ADCK2: variants seen among roughly 807,000 people sequenced by gnomAD.
ADCK2 encodes the protein aarF domain containing kinase 2.
Under a neutral mutation model 52.3 loss-of-function variants are expected in ADCK2, and 37 were observed. The ratio of observed to expected loss-of-function variants is 0.71; its 90% CI spans 0.54 to 0.93. ADCK2 has a LOEUF of 0.93. Among genes scored for constraint, ADCK2 ranks in the 40% least tolerant of loss-of-function variants. The pLI is 0.00. For synonymous variants in ADCK2, 321 were observed against 349.2 expected, an observed-to-expected ratio of 0.92 and a Z score of 0.90; for missense variants, 695 against 798.7, an observed-to-expected ratio of 0.87 and a Z score of 1.56.
In ADCK2 at chr7:140,693,286, G is replaced by T. The variant is rs537864649; in HGVS notation, c.1741-1377G>T. 2.0e-5 allele frequency among the ~76,000 whole-genome samples: 3 copies of T among 152,174 alleles called. No homozygotes were observed. The highest frequency in any genetic ancestry group is 2.9e-5 in the Non-Finnish European group (2 of 68,036). ...GTGTTAGAGCCCTGGGTTCCCACCC[G>T]GACCAGAGCCTGTGTGGCCAATCTG... On this transcript the variant is annotated intron_variant, in intron 7 of 7. Coordinates refer to ENST00000072869, the MANE Select transcript of ADCK2 (RefSeq NM_052853.4). This position sits in a 1 kb window ranked among gnomAD's most constrained non-coding sequence, Gnocchi z 4.0.
rs1794613788 is a variant in ADCK2 at position 140,686,979 on chromosome 7, T to A, written c.1306-11T>A. The A allele has an allele frequency of 1.2e-6, 2 of 1,609,920 alleles. No individual in the cohort carries two copies. The highest frequency in any genetic ancestry group is 1.7e-6 in the Non-Finnish European group (2 of 1,176,510). On this transcript the variant is annotated splice_polypyrimidine_tract_variant and intron_variant, in intron 4 of 7. Transcript: ENST00000072869. ...GGCGACTCACTCATGAGCATTGTGA[T>A]CTCCTTCCAGATATTTGTGGATAAC...
intron 4 of ADCK2, among the ~76,000 whole-genome samples, chr7:140,682,069 T>C (rs1391766399): frequency 6.6e-6 from 1 of 152,220 alleles, no homozygotes; most frequent in Non-Finnish European, 1.5e-5. Flanking sequence ...GTTCAGCAAA[T>C]GTTTATTGAG....
At chr7:140,687,378 A>C in intron 5 of ADCK2, 137 bp downstream of exon 5, 1 of 1,220,134 alleles carries the variant, frequency 8.2e-7, no homozygotes, top group Non-Finnish European at 1.1e-6. Flanking sequence ...CCAGGAGTTC[A>C]AGGCCAGCCT....
At chr7:140,683,767 CT>C (rs900999384) in intron 4 of ADCK2, among the ~76,000 whole-genome samples, 2 of 152,132 alleles carry the variant, frequency 1.3e-5, no homozygotes, top group Non-Finnish European at 1.5e-5. Flanking sequence ...GTTGGGGGTG[CT>C]ACTGGCAGCT....
At position 140,694,764 on chromosome 7, in the gene ADCK2, G is replaced by A. The variant is rs186742053; in HGVS notation, c.1842G>A (p.Ala614=). The A allele has an allele frequency of 2.0e-5, 32 of 1,613,982 alleles. No individual in the cohort carries two copies. The highest frequency in any genetic ancestry group is 1.8e-4 in the East Asian group (8 of 44,870). The stretch of plus-strand genomic sequence containing the variant: ...CCAAACTGGACATCCTGGAGGCAGC[G>A]AGGCCCTTCCTCCTCACGGGCCCAG... The part of the protein sequence containing the change: ...LDPKLDILEA[A]RPFLLTGPVC... Residue 614 remains alanine (A), a synonymous_variant, in exon 8 of 8, where the codon GCG becomes GCA. Transcript: ENST00000072869.
At chr7:140,679,032 C>A in intron 2 of ADCK2, 123 bp from the exon 3 acceptor site, 1 of 1,318,952 alleles carries the variant, frequency 7.6e-7, no homozygotes, top group Non-Finnish European at 1.1e-6. Context: ...TGGGCAAGTT[C>A]TGCGGGGCAA....
chr7:140,690,485 G>T (rs1439445851), intron 6 of ADCK2, among the ~76,000 whole-genome samples: 3 of 149,862 alleles, frequency 2.0e-5, no homozygotes, highest in East Asian at 4.0e-4. Flanking sequence ...TTATAGGCAG[G>T]TGTGATTTTT....
rs1794624928 is a variant in ADCK2 at position 140,687,457 on chromosome 7, G to A, written c.1557+216G>A. Among the ~76,000 whole-genome samples, 4 of 152,234 alleles carry A rather than the reference G, an allele frequency of 2.6e-5. No individual in the cohort carries two copies. The South Asian group carries it at 8.3e-4, about 32-fold the overall frequency. On this transcript the variant is annotated intron_variant, in intron 5 of 7. Coordinates refer to ENST00000072869, the MANE Select transcript of ADCK2 (RefSeq NM_052853.4). ...AGGCCAGGCACAGTGGTTCACGCCT[G>A]TAATCTCAGCACTTTGGGAGGCCAA... is the stretch of plus-strand genomic sequence containing the variant.
intron 6 of ADCK2, 58 bp from the exon 7 acceptor site, chr7:140,690,702 A>G: frequency 1.3e-6 from 2 of 1,538,532 alleles, no homozygotes; most frequent in Non-Finnish European, 8.9e-7. Flanking sequence ...GGGTGGTGGG[A>G]AATGAGCGGT....
rs1317976691 is a variant in ADCK2, at chr7:140,673,500, T to C, written c.170T>C (p.Val57Ala). ...AAGGTCGTCTCCCTGTGCGGGGACGTGGGTGAGGGGGCCCCTGACGTTCTG... is the reference window on the plus strand; with the variant it reads ...AAGGTCGTCTCCCTGTGCGGGGACGCGGGTGAGGGGGCCCCTGACGTTCTG... ...LPKVVSLCGDVGEGAPDVLSR... is the reference protein window; with the variant it reads ...LPKVVSLCGDAGEGAPDVLSR... The change falls in exon 1 of 8, where the codon GTG becomes GCG. Residue 57 changes from valine (V) to alanine (A), a missense_variant. By Grantham distance (64) the Val-to-Ala change is moderately conservative (BLOSUM62 0). Transcript: ENST00000072869. This position sits in a 1 kb window ranked among gnomAD's most constrained non-coding sequence, Gnocchi z 6.4. 6.9e-6 allele frequency: 11 copies of C among 1,603,446 alleles called. No individual in the cohort carries two copies. Among genetic ancestry groups the C allele is most frequent in the Non-Finnish European group, 9.3e-6 (11 of 1,176,940 alleles).
At position 140,674,805 on chromosome 7, in the gene ADCK2, G is replaced by A; in HGVS notation, c.1080+48G>A. On this transcript the variant is annotated intron_variant, in intron 2 of 7. Transcript: ENST00000072869. The surrounding 1 kb of genome is among the most constrained non-coding windows in gnomAD (Gnocchi z 4.6). Reference sequence around the variant, plus strand: ...GTAAATAGCACCTAACATAGTTCTTGCCATTAGCTGCTACTTAGTAAATGT... The same window carrying A: ...GTAAATAGCACCTAACATAGTTCTTACCATTAGCTGCTACTTAGTAAATGT... 1 of 1,574,700 alleles carries A rather than the reference G, an allele frequency of 6.4e-7. No individual in the cohort carries two copies. The highest frequency in any genetic ancestry group is 1.8e-5 in the Admixed American group (1 of 56,406).
rs548544894 is a variant in ADCK2, at chr7:140,686,320, G to A, written c.1306-670G>A. The stretch of plus-strand genomic sequence containing the variant: ...CTTTGAGATGGAGTCTCGCTCCGTC[G>A]CCCAGACTGGAGTGCAGTGGCACGA... On this transcript the variant is annotated intron_variant, in intron 4 of 7. Transcript: ENST00000072869. 8.2e-4 allele frequency among the ~76,000 whole-genome samples: 124 copies of A among 152,128 alleles called. 1 individual carries two copies. The highest frequency in any genetic ancestry group is 2.9e-3 in the African/African-American group (121 of 41,480).
rs1421434098 is a variant in ADCK2, at chr7:140,673,160, G to A, written c.-171G>A. The A allele has an allele frequency of 7.3e-6, 3 of 410,094 alleles. No individual in the cohort carries two copies. The highest frequency in any genetic ancestry group is 4.2e-5 in the African/African-American group (2 of 47,986). The allele number at this position is 410,094 out of a possible 1,614,324, so 25.4% of individuals were successfully genotyped here. On this transcript the variant is annotated 5_prime_UTR_variant, in exon 1 of 8. Transcript: ENST00000072869. The surrounding 1 kb of genome is among the most constrained non-coding windows in gnomAD (Gnocchi z 6.4). ...GCGGCGGGTGTCGGGCGGGGCGCGG[G>A]CCTCCGGCCTGAGGCCCGGCGAGGT... is the stretch of plus-strand genomic sequence containing the variant.
At position 140,690,809 on chromosome 7, in the gene ADCK2, A is replaced by T. The variant is rs1458562939; in HGVS notation, c.1736A>T (p.His579Leu). ...AGTGTCTTTAAGTTGCTGATGACTCACAAGGTGAGGGCCATTCAGAGGGGA... is the reference window on the plus strand; with the variant it reads ...AGTGTCTTTAAGTTGCTGATGACTCTCAAGGTGAGGGCCATTCAGAGGGGA... Reference protein sequence around the residue: ...LSSVFKLLMTHKVKLESNFAS... With the variant: ...LSSVFKLLMTLKVKLESNFAS... The change falls in exon 7 of 8, where the codon CAC (histidine) becomes CTC (leucine). Residue 579 changes from histidine (H) to leucine (L), a missense_variant. Transcript: ENST00000072869. 1.2e-6 allele frequency: 2 copies of T among 1,613,650 alleles called. No homozygotes were observed. The highest frequency in any genetic ancestry group is 1.7e-6 in the Non-Finnish European group (2 of 1,179,924).
At chr7:140,689,299 A>G (rs2130790810) in intron 5 of ADCK2, among the ~76,000 whole-genome samples, 1 of 152,070 alleles carries the variant, frequency 6.6e-6, no homozygotes, top group Non-Finnish European at 1.5e-5. Context: ...TTTTTTAAAC[A>G]GCAAAATGCA....
chr7:140,673,701 C>G lies in ADCK2; in HGVS notation c.371C>G (p.Pro124Arg), dbSNP rs1460644514. The G allele has an allele frequency of 6.2e-7, 1 of 1,612,176 alleles. No homozygotes were observed. The highest frequency in any genetic ancestry group is 8.5e-7 in the Non-Finnish European group (1 of 1,179,834). ...CTCTACCCCCTCACCTACCTGGCTC[C>G]CAGCGTCTCCACCCTCTGGCTCCAC... ...LLLYPLTYLAPSVSTLWLHLL... is the reference protein window; with the variant it reads ...LLLYPLTYLARSVSTLWLHLL... Residue 124 changes from proline to arginine, a missense_variant, in exon 1 of 8, where the codon CCC becomes CGC. Pro to Arg is a moderately radical substitution (Grantham distance 103). Coordinates refer to ENST00000072869, the MANE Select transcript of ADCK2 (RefSeq NM_052853.4). This position sits in a 1 kb window ranked among gnomAD's most constrained non-coding sequence, Gnocchi z 6.4.
At chr7:140,686,850 A>G in intron 4 of ADCK2, 140 bp from the exon 5 acceptor site, 1 of 1,086,460 alleles carries the variant, frequency 9.2e-7, no homozygotes, top group Non-Finnish European at 1.3e-6. Context: ...CATCTAAACA[A>G]GAAGGGTCTA....
intron 5 of ADCK2, 35 bp downstream of exon 5, chr7:140,687,276 A>AT (rs746190177): frequency 9.9e-6 from 15 of 1,512,486 alleles, no homozygotes; most frequent in Non-Finnish European, 1.2e-5. Flanking sequence ...GTTGGGGTGA[A>AT]TTTTTTTTAA....
intron 2 of ADCK2, among the ~76,000 whole-genome samples, chr7:140,677,072 G>A (rs577536333): frequency 6.6e-6 from 1 of 151,306 alleles, no homozygotes; most frequent in South Asian, 2.1e-4. Context: ...TCTGTTAGAC[G>A]CTAGTAAGCA....
Sources: gnomAD v4.1 joint callset for allele counts (sites outside exome capture counted in the v4.1 genomes callset) on GRCh38, gnomAD v4.1.1 for gene constraint, Gnocchi (gnomAD v3.1) non-coding constraint, MANE v1.5 for transcripts, NCBI Gene and HGNC (gene_info 2026-07-23, HGNC 2026-07-21) for gene names.